STX1A: variants seen among roughly 807,000 people sequenced by gnomAD.
STX1A encodes the protein syntaxin-1A.
Under a neutral mutation model 37.8 loss-of-function variants are expected in STX1A, and 4 were observed. That is an observed-to-expected ratio of 0.11 (90% CI 0.05 to 0.24). The LOEUF is 0.24. STX1A is among the 10% of genes least tolerant of loss of function. The probability of loss-of-function intolerance (pLI) is 1.00; values close to 1 mark genes in which losing one functional copy is unlikely to be tolerated. For synonymous variants in STX1A, 135 were observed against 147.4 expected (o/e 0.92, Z 0.61); for missense variants, 251 against 399.9 (o/e 0.63, Z 3.18).
chr7:73,704,404 C>T lies in STX1A; in HGVS notation c.303G>A (p.Glu101=), dbSNP rs782462786. ...AGGAGCGGTTCAGGCCTTCCTCTTG[C>T]TCGATGGACTGCTCGATGCCTGGGG... The part of the protein sequence containing the change: ...SKLKSIEQSI[E]QEEGLNRSSA... Residue 101 remains glutamate (E), a synonymous_variant, in exon 5 of 10, where the codon GAG becomes GAA. Coordinates refer to ENST00000222812, the MANE Select transcript of STX1A (RefSeq NM_004603.4). 1.2e-6 allele frequency: 2 copies of T among 1,614,180 alleles called. No homozygotes were observed. The highest frequency in any genetic ancestry group is 2.2e-5 in the South Asian group (2 of 91,082).
intron 1 of STX1A, chr7:73,716,617 G>C (rs1041827471): frequency 6.6e-6 from 1 of 152,526 alleles, no homozygotes; most frequent in African/African-American, 2.4e-5. Context: ...TCCTGCTCCT[G>C]TGCTATCCCA....
intron 1 of STX1A, among the ~76,000 whole-genome samples, chr7:73,718,797 C>T (rs1799384313): frequency 6.6e-6 from 1 of 152,068 alleles, no homozygotes; most frequent in Non-Finnish European, 1.5e-5. Context: ...TGTGCATCCT[C>T]CTACTCCCCC....
Position 73,700,540 on chromosome 7 carries a change from G to A in STX1A, c.790-56C>T. ...GACAGTGTTGGCGGCAGGTGGGGTG[G>A]GACTATGGCAAAGGCTGAGGACTGG... On this transcript the variant is annotated intron_variant, in intron 9 of 9. Coordinates refer to ENST00000222812, the MANE Select transcript of STX1A (RefSeq NM_004603.4). This position sits in a 1 kb window ranked among gnomAD's most constrained non-coding sequence, Gnocchi z 4.4. 6.3e-7 allele frequency: 1 copy of A among 1,595,626 alleles called. No homozygotes were observed.
At chr7:73,707,391 G>A (rs1563573407) in intron 3 of STX1A, among the ~76,000 whole-genome samples, 1 of 152,212 alleles carries the variant, frequency 6.6e-6, no homozygotes, top group Non-Finnish European at 1.5e-5. Context: ...ACATGGCCAG[G>A]TGCCAGGGCT....
At position 73,718,257 on chromosome 7, in the gene STX1A, G is replaced by A. The variant is rs1450481470; in HGVS notation, c.30+1345C>T. ...GGTTTACACCAGGGGCTGGGCGCTC[G>A]GCCAGGAATAACAGGTCTGGAGGCA... On this transcript the variant is annotated intron_variant, in intron 1 of 9. Coordinates refer to ENST00000222812, the MANE Select transcript of STX1A (RefSeq NM_004603.4). Among the ~76,000 whole-genome samples, 4 of 152,118 alleles carry A rather than the reference G, an allele frequency of 2.6e-5. No homozygotes were observed. In the South Asian group the frequency reaches 8.3e-4, roughly 32 times the overall value.
intron 1 of STX1A, among the ~76,000 whole-genome samples, chr7:73,712,509 C>T (rs897918012): frequency 2.6e-5 from 4 of 152,110 alleles, no homozygotes; most frequent in African/African-American, 7.2e-5. Flanking sequence ...TTCTTCCACA[C>T]GCCATTCACA....
At chr7:73,703,926 C>T in intron 6 of STX1A, 98 bp from the exon 7 acceptor site, 9 of 1,392,158 alleles carry the variant, frequency 6.5e-6, no homozygotes, top group Non-Finnish European at 8.7e-6. Context: ...GGGCTCCCCC[C>T]AGCCCCGAGC....
At position 73,702,833 on chromosome 7, in the gene STX1A, C is replaced by G. The variant is rs1286995680; in HGVS notation, c.678+12G>C. The G allele has an allele frequency of 2.5e-6, 4 of 1,613,620 alleles. No homozygotes were observed. The highest frequency in any genetic ancestry group is 3.4e-6 in the Non-Finnish European group (4 of 1,179,902). On this transcript the variant is annotated intron_variant, in intron 8 of 9. Coordinates refer to ENST00000222812, the MANE Select transcript of STX1A (RefSeq NM_004603.4). This position sits in a 1 kb window ranked among gnomAD's most constrained non-coding sequence, Gnocchi z 4.7. ...TGGGCTGGAGTGGAGGGCAGGGGGG[C>G]CCGGCACTCACCTGGCTCTCCACGA... is the stretch of plus-strand genomic sequence containing the variant.
intron 3 of STX1A, among the ~76,000 whole-genome samples, chr7:73,707,843 G>A (rs577963843): frequency 6.6e-6 from 1 of 151,578 alleles, no homozygotes; most frequent in South Asian, 2.1e-4. Flanking sequence ...GCTGACGTAG[G>A]AGAATTGCTT....
In STX1A at chr7:73,706,835, C is replaced by T. The variant is rs1317762510; in HGVS notation, c.209-1611G>A. On this transcript the variant is annotated intron_variant, in intron 3 of 9. Coordinates refer to ENST00000222812, the MANE Select transcript of STX1A (RefSeq NM_004603.4). This position sits in a 1 kb window ranked among gnomAD's most constrained non-coding sequence, Gnocchi z 4.6. The stretch of plus-strand genomic sequence containing the variant: ...CGCACAGACATCCGTCTCATGCTGC[C>T]ATCCAACAAATCTCTCAGGCAAGGA... Among the ~76,000 whole-genome samples, 1 of 152,208 alleles carries T rather than the reference C, an allele frequency of 6.6e-6. No homozygotes were observed. The highest frequency in any genetic ancestry group is 1.5e-5 in the Non-Finnish European group (1 of 68,040).
Position 73,710,804 on chromosome 7 carries a change from C to T in STX1A, c.31-1682G>A, listed in dbSNP as rs543426318. On this transcript the variant is annotated intron_variant, in intron 1 of 9. Coordinates refer to ENST00000222812, the MANE Select transcript of STX1A (RefSeq NM_004603.4). ...CACTGACCCCACCTCGGTGCTCTCG[C>T]GTCAGGACGGAGGCAGGTGGAGGTT... Among the ~76,000 whole-genome samples, 20 of 152,310 alleles carry T rather than the reference C, an allele frequency of 1.3e-4. No individual in the cohort carries two copies. In the East Asian group the frequency reaches 1.7e-3, roughly 13 times the overall value.
intron 1 of STX1A, among the ~76,000 whole-genome samples, chr7:73,710,672 G>A (rs951695440): frequency 2.0e-5 from 3 of 152,268 alleles, no homozygotes; most frequent in South Asian, 4.1e-4. Flanking sequence ...TGATCCACCC[G>A]CCTCGGCCTC....
rs562615077 is a variant in STX1A, at chr7:73,709,315, CAG to C, written c.31-195_31-194del. Among the ~76,000 whole-genome samples the C allele has an allele frequency of 7.3e-4, 111 of 152,212 alleles. 1 individual carries two copies. Among genetic ancestry groups the C allele is most frequent in the South Asian group, 1.4e-3 (7 of 4,828 alleles). On this transcript the variant is annotated intron_variant, in intron 1 of 9. Coordinates refer to ENST00000222812, the MANE Select transcript of STX1A (RefSeq NM_004603.4). The surrounding 1 kb of genome is among the most constrained non-coding windows in gnomAD (Gnocchi z 4.2). The stretch of plus-strand genomic sequence containing the variant: ...CTGGAGGACCACTGGGGGCCCGGCA[CAG>C]AGAGAGGAACCTTGCCTGATACACT...
chr7:73,708,986 G>C, intron 2 of STX1A, 59 bp downstream of exon 2: 1 of 1,587,384 alleles, frequency 6.3e-7, no homozygotes, highest in Non-Finnish European at 8.7e-7. Context: ...GCTCAGAGGC[G>C]AGAGTGGCCC....
intron 1 of STX1A, among the ~76,000 whole-genome samples, chr7:73,718,699 C>A (rs940470195): frequency 1.5e-4 from 23 of 152,022 alleles, no homozygotes; most frequent in Admixed American, 1.1e-3. Flanking sequence ...GGCTCCTCAT[C>A]CCTAAGGGCA....
chr7:73,703,660 T>C, intron 7 of STX1A, 95 bp downstream of exon 7: 1 of 1,410,184 alleles, frequency 7.1e-7, no homozygotes, highest in East Asian at 2.3e-5. Flanking sequence ...ACAAGGGGTC[T>C]GTGTCCAAAT....
intron 7 of STX1A, chr7:73,703,380 C>G (rs532380995): frequency 3.5e-6 from 2 of 574,476 alleles, no homozygotes; most frequent in African/African-American, 3.7e-5. Context: ...AACTCACAGC[C>G]CCAAGCCTGC....
chr7:73,708,764 T>A (rs987438125), intron 2 of STX1A, 76 bp from the exon 3 acceptor site: 2 of 1,487,344 alleles, frequency 1.3e-6, no homozygotes, highest in Non-Finnish European at 1.8e-6. Context: ...TGGCCCAGAG[T>A]AGGGCTGCGG....
At chr7:73,713,660 G>A (rs974102025) in intron 1 of STX1A, among the ~76,000 whole-genome samples, 1 of 152,232 alleles carries the variant, frequency 6.6e-6, no homozygotes, top group African/African-American at 2.4e-5. Context: ...AGCCCTGGAG[G>A]TCGAGGCTGC....
Sources: allele counts gnomAD v4.1 joint callset (sites outside exome capture counted in the v4.1 genomes callset), GRCh38; gene constraint gnomAD v4.1.1; non-coding constraint Gnocchi (gnomAD v3.1); transcripts MANE v1.5; gene names NCBI Gene and HGNC (gene_info 2026-07-23, HGNC 2026-07-21).